Variants in RAB11FIP1 observed in about 807,000 individuals in gnomAD.
RAB11FIP1 encodes rab11 family-interacting protein 1.
RAB11FIP1 carries 49 observed loss-of-function variants against 83.1 expected under a neutral mutation model. The ratio of observed to expected loss-of-function variants is 0.59; its 90% CI spans 0.47 to 0.75. RAB11FIP1 has a LOEUF of 0.75. Among genes scored for constraint, RAB11FIP1 ranks in the 30% least tolerant of loss-of-function variants. The probability of loss-of-function intolerance (pLI) is 0.00; values close to 1 mark genes in which losing one functional copy is unlikely to be tolerated. For synonymous variants in RAB11FIP1, 670 were observed against 656.0 expected, an observed-to-expected ratio of 1.02 and a Z score of -0.33; for missense variants, 1,536 against 1,598.7, an observed-to-expected ratio of 0.96 and a Z score of 0.67.
chr8:37,874,472 T>A (rs569867642), intron 3 of RAB11FIP1, 43 bp downstream of exon 3: 5 of 1,522,506 alleles, frequency 3.3e-6, no homozygotes, highest in Non-Finnish European at 4.5e-6. Flanking sequence ...AAACCACCAA[T>A]GGCAAGGCAG....
rs767178178 is a variant in RAB11FIP1, at chr8:37,877,319, T to A, written c.604A>T (p.Ser202Cys). The A allele has an allele frequency of 1.9e-5, 30 of 1,614,090 alleles. No individual in the cohort carries two copies. The highest frequency in any genetic ancestry group is 2.3e-5 in the Non-Finnish European group (27 of 1,180,026). Residue 202 changes from serine (S) to cysteine (C), a missense_variant, in exon 2 of 6, where the codon AGT becomes TGT. Coordinates refer to ENST00000330843, the MANE Select transcript of RAB11FIP1 (RefSeq NM_001002814.3). ...IIPSTTPSVDSDDESVVKDKK... is the reference protein window; with the variant it reads ...IIPSTTPSVDCDDESVVKDKK... ...TCTTTAACCACAGACTCATCATCAC[T>A]GTCGACCGAAGGTGTCGTGCTAGGG...
intron 1 of RAB11FIP1, among the ~76,000 whole-genome samples, chr8:37,884,282 A>G (rs1229423251): frequency 2.0e-5 from 3 of 151,458 alleles, no homozygotes; most frequent in Admixed American, 1.3e-4. Flanking sequence ...CCAGGCTGGT[A>G]TCGAACTCCT....
chr8:37,870,533 A>C lies in RAB11FIP1; in HGVS notation c.3525-5T>G. ...ATTGGCTTCACAGGATGAAGTCTAA[A>C]GAGAAGGGGAAAAGGATCTTTAGAC... is the stretch of plus-strand genomic sequence containing the variant. On this transcript the variant is annotated splice_polypyrimidine_tract_variant and splice_region_variant and intron_variant, in intron 4 of 5. Transcript: ENST00000330843. 1 of 1,487,912 alleles carries C rather than the reference A, an allele frequency of 6.7e-7. No homozygotes were observed. The allele number at this position is 1,487,912 out of a possible 1,614,324, so 92.2% of individuals were successfully genotyped here.
chr8:37,869,987 A>G (rs1806417043), intron 5 of RAB11FIP1, among the ~76,000 whole-genome samples: 1 of 152,158 alleles, frequency 6.6e-6, no homozygotes, highest in Non-Finnish European at 1.5e-5. Context: ...CATGAGGGAA[A>G]AAGAAAATAC....
In RAB11FIP1 at chr8:37,872,938, G is replaced by T. The variant is rs7341564; in HGVS notation, c.1864C>A (p.Gln622Lys). Residue 622 changes from glutamine (Q) to lysine (K), a missense_variant, in exon 4 of 6, where the codon CAG becomes AAG. Coordinates refer to ENST00000330843, the MANE Select transcript of RAB11FIP1 (RefSeq NM_001002814.3). ...IESWPLVDRG[Q>K]AKSEGPPLLP... ...AAGGGTGGTCCTTCAGACTTGGCCT[G>T]GCCCCTGTCTACGAGAGGCCAGCTT... is the stretch of plus-strand genomic sequence containing the variant. 0.34 allele frequency: 543,057 copies of T among 1,613,770 alleles called. 95,988 individuals are homozygous for T. The highest frequency in any genetic ancestry group is 0.48 in the African/African-American group (35,693 of 74,938).
chr8:37,897,732 C>A (rs1158168924), intron 1 of RAB11FIP1, among the ~76,000 whole-genome samples: 1 of 152,080 alleles, frequency 6.6e-6, no homozygotes, highest in African/African-American at 2.4e-5. Context: ...GTCAAGGGCC[C>A]ACCCGGGCTC....
rs767085174 is a variant in RAB11FIP1 at position 37,872,301 on chromosome 8, C to T, written c.2501G>A (p.Cys834Tyr). The T allele has an allele frequency of 1.2e-6, 2 of 1,614,014 alleles. No individual in the cohort carries two copies. Among genetic ancestry groups the T allele is most frequent in the Admixed American group, 3.3e-5 (2 of 60,012 alleles). The change falls in exon 4 of 6, where the codon TGT becomes TAT. Residue 834 changes from cysteine to tyrosine, a missense_variant. Coordinates refer to ENST00000330843, the MANE Select transcript of RAB11FIP1 (RefSeq NM_001002814.3). Reference protein sequence around the residue: ...AALLVEGHSSCPQELNPAWSV... With the variant: ...AALLVEGHSSYPQELNPAWSV... ...CCATGCAGGGTTCAGCTCCTGGGGA[C>T]AACTGCTGTGTCCTTCCACCAGCAA...
intron 2 of RAB11FIP1, among the ~76,000 whole-genome samples, chr8:37,876,663 C>CA (rs1395559637): frequency 1.4e-5 from 2 of 147,638 alleles, no homozygotes; most frequent in Non-Finnish European, 3.0e-5. Flanking sequence ...TTTTTTGAGA[C>CA]AGAGTCTCAC....
intron 1 of RAB11FIP1, among the ~76,000 whole-genome samples, chr8:37,878,366 C>T (rs1054390161): frequency 6.6e-6 from 1 of 151,020 alleles, no homozygotes; most frequent in Admixed American, 6.6e-5. Flanking sequence ...AACCCCATCT[C>T]TACTAAAAAT....
chr8:37,872,113 C>T lies in RAB11FIP1; in HGVS notation c.2689G>A (p.Val897Ile). ...GCTGAGCTTGCTTCACTCATGGGGA[C>T]TTCGGAGAAACTCTCCTCCTGGGAG... ...LPSQEESFSE[V>I]PMSEASSAKD... The change falls in exon 4 of 6, where the codon GTC (valine) becomes ATC (isoleucine). Residue 897 changes from valine (V) to isoleucine (I), a missense_variant. Physicochemically the swap from Val to Ile is conservative, Grantham distance 29. Transcript: ENST00000330843. The T allele has an allele frequency of 6.2e-7, 1 of 1,614,034 alleles. No individual in the cohort carries two copies. Among genetic ancestry groups the T allele is most frequent in the Non-Finnish European group, 8.5e-7 (1 of 1,180,000 alleles).
intron 2 of RAB11FIP1, among the ~76,000 whole-genome samples, chr8:37,876,439 T>A (rs942505303): frequency 1.5e-4 from 23 of 150,262 alleles, no homozygotes; most frequent in African/African-American, 4.4e-4. Flanking sequence ...AAAAAAAAAA[T>A]TTTTTTTAAT....
At chr8:37,886,902 G>A (rs758352365) in intron 1 of RAB11FIP1, among the ~76,000 whole-genome samples, 8 of 152,132 alleles carry the variant, frequency 5.3e-5, no homozygotes, top group Non-Finnish European at 1.2e-4. Flanking sequence ...TCTTCTTCTG[G>A]TCACCTAGAA....
At chr8:37,876,449 T>C (rs1806613166) in intron 2 of RAB11FIP1, among the ~76,000 whole-genome samples, 1 of 151,582 alleles carries the variant, frequency 6.6e-6, no homozygotes, top group African/African-American at 2.4e-5. Flanking sequence ...TTTTTTTTAA[T>C]TAATCAGGTG....
chr8:37,871,809 G>GCT lies in RAB11FIP1; in HGVS notation c.2991_2992dup (p.Ala998GlufsTer8). 6.2e-7 allele frequency: 1 copy of GCT among 1,614,130 alleles called. No homozygotes were observed. Among genetic ancestry groups the GCT allele is most frequent in the South Asian group, 1.1e-5 (1 of 91,084 alleles). On this transcript the variant is annotated frameshift_variant, in exon 4 of 6. Transcript: ENST00000330843. LOFTEE classifies it high-confidence loss of function. ...GGGGACTACCAAGCCCAAGGACAAA[G>GCT]CTCCTATGTCCAGAGTTGACGACTT... is the stretch of plus-strand genomic sequence containing the variant.
At position 37,899,421 on chromosome 8, in the gene RAB11FIP1, A is replaced by T; in HGVS notation, c.21T>A (p.Ala7=). 6.3e-7 allele frequency: 1 copy of T among 1,579,228 alleles called. No homozygotes were observed. Among genetic ancestry groups the T allele is most frequent in the Non-Finnish European group, 8.6e-7 (1 of 1,165,440 alleles). MSLMVS[A]GRGLGAVWSP... is the part of the protein sequence containing the mutation. Reference sequence around the variant, plus strand: ...ACCACACGGCCCCCAGGCCCCGGCCAGCCGAGACCATTAGGGACATGGTGA... The same window carrying T: ...ACCACACGGCCCCCAGGCCCCGGCCTGCCGAGACCATTAGGGACATGGTGA... The change falls in exon 1 of 6, where the codon GCT becomes GCA. Residue 7 remains alanine, a synonymous_variant. Transcript: ENST00000330843. The surrounding 1 kb of genome is among the most constrained non-coding windows in gnomAD (Gnocchi z 4.5).
chr8:37,881,661 C>T (rs1035801285), intron 1 of RAB11FIP1, among the ~76,000 whole-genome samples: 1 of 152,050 alleles, frequency 6.6e-6, no homozygotes, highest in African/African-American at 2.4e-5. Context: ...GCTGGGCAGG[C>T]GGGGAGTGGT....
chr8:37,880,304 T>A (rs1585439627), intron 1 of RAB11FIP1, among the ~76,000 whole-genome samples: 3 of 151,404 alleles, frequency 2.0e-5, no homozygotes, highest in Admixed American at 2.0e-4. Flanking sequence ...AAAAAAAAAA[T>A]TTTTGTTTTT....
intron 1 of RAB11FIP1, among the ~76,000 whole-genome samples, chr8:37,892,290 T>C (rs1375473484): frequency 6.6e-6 from 1 of 152,044 alleles, no homozygotes; most frequent in Non-Finnish European, 1.5e-5. Context: ...CCATCCACCA[T>C]CTAGATTACT....
At chr8:37,870,854 TA>T in intron 4 of RAB11FIP1, 1 of 299,740 alleles carries the variant, frequency 3.3e-6, no homozygotes, top group South Asian at 7.3e-5. Flanking sequence ...GCATTCACTG[TA>T]AAACTCTGCA....
Sources: gnomAD v4.1 joint callset for allele counts (sites outside exome capture counted in the v4.1 genomes callset) on GRCh38, gnomAD v4.1.1 for gene constraint, Gnocchi (gnomAD v3.1) non-coding constraint, MANE v1.5 for transcripts, NCBI Gene and HGNC (gene_info 2026-07-23, HGNC 2026-07-21) for gene names.